Variants in FAT3 observed in about 807,000 individuals in gnomAD.
FAT3 encodes protocadherin Fat 3.
Under a neutral mutation model 310.2 loss-of-function variants are expected in FAT3, and 95 were observed. The ratio of observed to expected loss-of-function variants is 0.31; its 90% confidence interval spans 0.26 to 0.36. The LOEUF is 0.36. Ranked by LOEUF, FAT3 falls within the 10% of genes least tolerant of loss-of-function variation. The probability of loss-of-function intolerance (pLI) is 1.00; values close to 1 mark genes in which losing one functional copy is unlikely to be tolerated. For missense variants in FAT3, 5,408 were observed against 5,715.6 expected (o/e 0.95, Z 1.74); for synonymous variants, 2,314 against 2,192.9 (o/e 1.06, Z -1.54).
intron 4 of FAT3, among the ~76,000 whole-genome samples, chr11:92,745,167 G>C (rs568254340): frequency 6.6e-6 from 1 of 152,192 alleles, no homozygotes; most frequent in Non-Finnish European, 1.5e-5. Flanking sequence ...TGAAATAGAA[G>C]GGAAGCTACC....
At chr11:92,677,154 T>A (rs911418453) in intron 3 of FAT3, among the ~76,000 whole-genome samples, 1 of 152,240 alleles carries the variant, frequency 6.6e-6, no homozygotes, top group African/African-American at 2.4e-5. Context: ...AACTTAGATG[T>A]TTAGCCTTGT....
chr11:92,609,398 T>C (rs1298989890), intron 3 of FAT3, among the ~76,000 whole-genome samples: 7 of 152,204 alleles, frequency 4.6e-5, no homozygotes, highest in African/African-American at 1.4e-4. Context: ...TCTGGTGTCT[T>C]TGACAGTCTG....
intron 3 of FAT3, among the ~76,000 whole-genome samples, chr11:92,682,864 G>C (rs138819762): frequency 0.032 from 4,921 of 152,134 alleles, 127 homozygotes; most frequent in Non-Finnish European, 0.05. Context: ...GATCACCTGA[G>C]GTCAGGAGTT....
At chr11:92,822,840 T>A (rs112405751) in intron 13 of FAT3, among the ~76,000 whole-genome samples, 2 of 152,354 alleles carry the variant, frequency 1.3e-5, no homozygotes, top group African/African-American at 4.8e-5. Flanking sequence ...GATTTAACAA[T>A]GCTGAACCAT....
rs1241910600 is a variant in FAT3, at chr11:92,605,724, T to TTG, written c.3607+80777_3607+80778insGT. 7.4e-5 allele frequency among the ~76,000 whole-genome samples: 11 copies of TTG among 148,226 alleles called. No homozygotes were observed. The South Asian group carries it at 1.9e-3, about 26-fold the overall frequency. ...TAATGCAATAAAATAGCTATGTTTT[T>TTG]TTTTTTTTTTTTTTTTTTTACAAAT... On this transcript the variant is annotated intron_variant, in intron 3 of 27. Coordinates refer to ENST00000525166, the MANE Select transcript of FAT3 (RefSeq NM_001367949.2).
chr11:92,335,595 T>A (rs552571615), intron 1 of FAT3, among the ~76,000 whole-genome samples: 42 of 152,296 alleles, frequency 2.8e-4, no homozygotes, highest in African/African-American at 8.7e-4. Flanking sequence ...ATATATATAT[T>A]TTTTATTTTG....
intron 1 of FAT3, among the ~76,000 whole-genome samples, chr11:92,280,116 T>A (rs1009247261): frequency 6.6e-5 from 10 of 152,150 alleles, no homozygotes; most frequent in African/African-American, 2.4e-4. Flanking sequence ...AAGACTATAT[T>A]GTTGAACTAG....
chr11:92,679,841 C>CAAA (rs71064721), intron 3 of FAT3, among the ~76,000 whole-genome samples: 874 of 57,188 alleles, frequency 0.015, 84 homozygotes, highest in African/African-American at 0.046. Flanking sequence ...GACTCCATCT[C>CAAA]AAAAAAAAAA....
At chr11:92,390,661 G>A (rs1949728264) in intron 2 of FAT3, among the ~76,000 whole-genome samples, 1 of 152,122 alleles carries the variant, frequency 6.6e-6, no homozygotes, top group Non-Finnish European at 1.5e-5. Context: ...GGATTGCCCT[G>A]CAAGGAAAAC....
intron 2 of FAT3, among the ~76,000 whole-genome samples, chr11:92,398,490 A>G (rs1949935446): frequency 6.9e-6 from 1 of 143,914 alleles, no homozygotes; most frequent in South Asian, 2.3e-4. Context: ...AAAAGAGTGT[A>G]ACTCCGTCCC....
chr11:92,486,746 A>C (rs1952421256), intron 2 of FAT3, among the ~76,000 whole-genome samples: 1 of 152,158 alleles, frequency 6.6e-6, no homozygotes, highest in Admixed American at 6.5e-5. Flanking sequence ...GCCCATTCAA[A>C]TGATTTTTCT....
At chr11:92,326,503 C>T (rs991001707) in intron 1 of FAT3, among the ~76,000 whole-genome samples, 3 of 152,226 alleles carry the variant, frequency 2.0e-5, no homozygotes, top group African/African-American at 7.2e-5. Flanking sequence ...GGAAACATTT[C>T]AACCAGCCAT....
At chr11:92,397,454 G>A (rs1251492581) in intron 2 of FAT3, among the ~76,000 whole-genome samples, 1 of 152,156 alleles carries the variant, frequency 6.6e-6, no homozygotes, top group East Asian at 1.9e-4. Flanking sequence ...TCTAGATGGA[G>A]TTCCCAATAT....
At chr11:92,791,659 T>C (rs935272000) in intron 8 of FAT3, among the ~76,000 whole-genome samples, 9 of 152,226 alleles carry the variant, frequency 5.9e-5, no homozygotes, top group Non-Finnish European at 1.0e-4. Flanking sequence ...GTACTATTTC[T>C]GAAAACCCCT....
intron 4 of FAT3, among the ~76,000 whole-genome samples, chr11:92,708,304 T>G (rs1281526127): frequency 6.6e-6 from 1 of 152,206 alleles, no homozygotes; most frequent in African/African-American, 2.4e-5. Context: ...AAATCTCTTA[T>G]AAGACACTGT....
intron 10 of FAT3, 66 bp downstream of exon 10, chr11:92,801,975 G>A: frequency 4.8e-6 from 7 of 1,459,550 alleles, no homozygotes; most frequent in Non-Finnish European, 6.6e-6. Context: ...AGATGGCGGG[G>A]AGAAGAGTAA....
chr11:92,705,457 T>TAGTGGTGGTGGTG (rs1944261874), intron 4 of FAT3, among the ~76,000 whole-genome samples: 1 of 78,396 alleles, frequency 1.3e-5, no homozygotes, highest in Non-Finnish European at 2.6e-5. Context: ...GTGATGGTGG[T>TAGTGGTGGTGGTG]GTGATGGTGG....
chr11:92,491,724 G>A (rs760949416), intron 2 of FAT3, among the ~76,000 whole-genome samples: 18 of 152,038 alleles, frequency 1.2e-4, no homozygotes, highest in Admixed American at 2.0e-4. Context: ...TTGTAAATTC[G>A]TTTTGTTCCT....
intron 19 of FAT3, 22 bp from the exon 20 acceptor site, chr11:92,857,192 G>A: frequency 6.2e-7 from 1 of 1,613,726 alleles, no homozygotes; most frequent in Non-Finnish European, 8.5e-7. Context: ...TACTGATCAT[G>A]CATATTCCAC....
Sources: allele counts gnomAD v4.1 joint callset (sites outside exome capture counted in the v4.1 genomes callset), GRCh38; gene constraint gnomAD v4.1.1; transcripts MANE v1.5; gene names NCBI Gene and HGNC (gene_info 2026-07-23, HGNC 2026-07-21).